Variants in SPG7 observed in about 807,000 individuals in gnomAD.
The protein encoded by SPG7 is SPG7 matrix AAA peptidase subunit, paraplegin, also known as mitochondrial inner membrane m-AAA protease component paraplegin.
SPG7 carries 103 observed loss-of-function variants against 81.9 expected under a neutral mutation model. That is an observed-to-expected ratio of 1.26 (90% CI 1.07 to 1.48). The LOEUF (loss-of-function observed/expected upper bound fraction) is 1.48, where lower values mean the gene tolerates loss of function less well. Ranked by LOEUF, SPG7 falls within the 40% of genes most tolerant of loss-of-function variation. The pLI, the probability that SPG7 is intolerant of heterozygous loss-of-function variation, is 0.00. For missense variants in SPG7, 1,241 were observed against 1,087.3 expected, an observed-to-expected ratio of 1.14 and a Z score of -1.99; for synonymous variants, 534 against 444.2, an observed-to-expected ratio of 1.20 and a Z score of -2.54.
chr16:89,549,666 A>G (rs1410469244), intron 12 of SPG7: 2 of 174,512 alleles, frequency 1.1e-5, no homozygotes, highest in Non-Finnish European at 2.5e-5. Flanking sequence ...AGACCCTGTC[A>G]CTGACAGAAA....
rs2058438538 is a variant in SPG7, at chr16:89,537,296, G to C, written c.1324+4660G>C. ...CTGCGGACCCCAGAGCCCCCGGGAA[G>C]GGCGCAAGTCAAAGAGCACTGGAGG... On this transcript the variant is annotated intron_variant, in intron 9 of 16. Transcript: ENST00000645818. 3 of 1,300,854 alleles carry C rather than the reference G, an allele frequency of 2.3e-6. No homozygotes were observed. The Middle Eastern group carries it at 9.0e-4, about 389-fold the overall frequency. 80.6% of individuals were successfully genotyped at this position (1,300,854 alleles called of 1,614,324 possible). A position where few individuals can be genotyped will look rare whatever the true frequency, so the allele number is the denominator to read the frequency against.
Position 89,517,616 on chromosome 16 carries a change from C to CTTTTTTTTTTTT in SPG7, c.376+4588_376+4599dup, listed in dbSNP as rs11318359. On this transcript the variant is annotated intron_variant, in intron 3 of 16. Coordinates refer to ENST00000645818, the MANE Select transcript of SPG7 (RefSeq NM_003119.4). Reference sequence around the variant, plus strand: ...CCTGCATCTGAGTAATTGTCGTCGTCTTTTTTTTTTTTTTTTTTTTGAGAT... The same window carrying CTTTTTTTTTTTT: ...CCTGCATCTGAGTAATTGTCGTCGTCTTTTTTTTTTTTTTTTTTTTTTTTTTTTTTTTGAGAT... 1.5e-5 allele frequency: 2 copies of CTTTTTTTTTTTT among 130,314 alleles called. 1 individual carries two copies. 8.1% of individuals were successfully genotyped at this position (130,314 alleles called of 1,614,324 possible). A position where few individuals can be genotyped will look rare whatever the true frequency, so the allele number is the denominator to read the frequency against.
intron 16 of SPG7, 178 bp downstream of exon 16, chr16:89,554,741 A>G: frequency 1.6e-6 from 1 of 617,570 alleles, no homozygotes; most frequent in Non-Finnish European, 3.0e-6. Flanking sequence ...TTTATCCTGA[A>G]CTCGTCAAGT....
chr16:89,524,328 GTGAA>G (rs1045642106), intron 4 of SPG7, 81 bp downstream of exon 4: 26 of 1,492,264 alleles, frequency 1.7e-5, no homozygotes, highest in Non-Finnish European at 2.2e-5. Flanking sequence ...GTGGGCTCCT[GTGAA>G]TGAGGGTGTG....
Position 89,523,998 on chromosome 16 carries a change from C to A in SPG7, c.377-8C>A. On this transcript the variant is annotated splice_region_variant and splice_polypyrimidine_tract_variant and intron_variant, in intron 3 of 16. Transcript: ENST00000645818. The stretch of plus-strand genomic sequence containing the variant: ...TTGTTTCTCCCTTTTGCTTCTCTGC[C>A]GGCTCAGAGGAGAGGAGACGCCGTG... 10 of 1,611,772 alleles carry A rather than the reference C, an allele frequency of 6.2e-6. No homozygotes were observed. The highest frequency in any genetic ancestry group is 8.5e-6 in the Non-Finnish European group (10 of 1,179,958).
chr16:89,516,731 G>A (rs1349216234), intron 3 of SPG7: 1 of 151,746 alleles, frequency 6.6e-6, no homozygotes, highest in Admixed American at 6.6e-5. Flanking sequence ...TAGGCGTGGT[G>A]GTGGGCACCT....
chr16:89,526,262 T>C (rs1264747101), intron 4 of SPG7, 67 bp from the exon 5 acceptor site: 2 of 1,595,790 alleles, frequency 1.3e-6, no homozygotes, highest in African/African-American at 2.7e-5. Flanking sequence ...GCGGGCTCTC[T>C]GTTGACTGTA....
chr16:89,525,683 G>A (rs1304093773), intron 4 of SPG7, among the ~76,000 whole-genome samples: 5 of 152,218 alleles, frequency 3.3e-5, no homozygotes, highest in African/African-American at 1.2e-4. Flanking sequence ...GGAGAATCGT[G>A]TGCCAGGGAG....
intron 16 of SPG7, chr16:89,556,671 T>C (rs1597668332): frequency 1.7e-6 from 1 of 576,476 alleles, no homozygotes; most frequent in East Asian, 2.9e-5. Context: ...AGTAGAAAAA[T>C]TAATGAGGCT....
In SPG7 at chr16:89,512,878, A is replaced by C. The variant is rs201315466; in HGVS notation, c.287-70A>C. 1,004 of 1,567,218 alleles carry C rather than the reference A, an allele frequency of 6.4e-4. 4 individuals are homozygous for C. In the African/African-American group the frequency reaches 0.012, roughly 19 times the overall value. On this transcript the variant is annotated intron_variant, in intron 2 of 16. Transcript: ENST00000645818. ...TTTTGCTTTGGTTATTTAGGAGTAC[A>C]CTGTTGTCCTGTATGCCTCCCCTGT... is the stretch of plus-strand genomic sequence containing the variant.
At chr16:89,528,687 G>C (rs1254545817) in intron 5 of SPG7, 1 of 150,600 alleles carries the variant, frequency 6.6e-6, no homozygotes, top group Non-Finnish European at 1.5e-5. Context: ...GCTTACTGCA[G>C]CCTCGACCTC....
chr16:89,527,993 T>C (rs544160722), intron 5 of SPG7, among the ~76,000 whole-genome samples: 18 of 152,144 alleles, frequency 1.2e-4, no homozygotes, highest in Admixed American at 3.3e-4. Flanking sequence ...AGATCACTGC[T>C]CTGAGGCTGT....
intron 15 of SPG7, 95 bp downstream of exon 15, chr16:89,554,055 G>C: frequency 7.3e-7 from 1 of 1,370,370 alleles, no homozygotes; most frequent in East Asian, 2.4e-5. Context: ...CCGCCCCAGC[G>C]GAGCTCAGCT....
At chr16:89,514,363 C>T (rs536266208) in intron 3 of SPG7, 2 of 138,848 alleles carry the variant, frequency 1.4e-5, no homozygotes, top group South Asian at 4.7e-4. Flanking sequence ...CTCTGTTGCC[C>T]CGGCTGGAGT....
chr16:89,510,643 T>A (rs371362947), intron 2 of SPG7, 51 bp downstream of exon 2: 3 of 1,099,608 alleles, frequency 2.7e-6, no homozygotes, highest in African/African-American at 3.1e-5. Context: ...ACTTACCGCC[T>A]CAGCTACTTG....
chr16:89,552,454 C>T, intron 13 of SPG7: 1 of 168,242 alleles, frequency 5.9e-6, no homozygotes, highest in Non-Finnish European at 1.3e-5. Context: ...AGCAGCTGGG[C>T]CAGCCCCTGC....
At chr16:89,531,821 G>A (rs1013252993) in intron 7 of SPG7, 83 bp from the exon 8 acceptor site, 16 of 1,447,806 alleles carry the variant, frequency 1.1e-5, no homozygotes, top group East Asian at 4.6e-5. Flanking sequence ...TCCAGCCTGC[G>A]TGACCCAGAG....
intron 7 of SPG7, chr16:89,531,070 C>T: frequency 7.0e-6 from 4 of 569,412 alleles, no homozygotes; most frequent in Non-Finnish European, 3.2e-6. Context: ...CCCTTCATCC[C>T]TTGCAAAGCT....
chr16:89,525,976 A>G (rs1226775049), intron 4 of SPG7, among the ~76,000 whole-genome samples: 1 of 152,196 alleles, frequency 6.6e-6, no homozygotes, highest in Non-Finnish European at 1.5e-5. Context: ...TAGAAAGTCT[A>G]TCTGTTGAAA....
Sources: gnomAD v4.1 joint callset for allele counts (sites outside exome capture counted in the v4.1 genomes callset) on GRCh38, gnomAD v4.1.1 for gene constraint, MANE v1.5 for transcripts, NCBI Gene and HGNC (gene_info 2026-07-23, HGNC 2026-07-21) for gene names.